The following KHDRBS2 variants were observed in gnomAD, a reference collection of about 807,000 sequenced individuals.
The protein encoded by KHDRBS2 is KH RNA binding domain containing, signal transduction associated 2, also known as KH domain-containing, RNA-binding, signal transduction-associated protein 2.
KHDRBS2 carries 26 observed loss-of-function variants against 44.3 expected under a neutral mutation model. The observed-to-expected ratio is 0.59, with a 90% CI of 0.43 to 0.81. The LOEUF (loss-of-function observed/expected upper bound fraction) is 0.81. Ranked by LOEUF, KHDRBS2 falls within the 40% of genes least tolerant of loss-of-function variation. The pLI is 0.00. For synonymous variants in KHDRBS2, 194 were observed against 151.1 expected (o/e 1.28, Z -2.08); for missense variants, 476 against 433.1 (o/e 1.10, Z -0.88).
At chr6:61,887,292 ATAT>A (rs1239952350) in intron 6 of KHDRBS2, among the ~76,000 whole-genome samples, 4 of 152,186 alleles carry the variant, frequency 2.6e-5, no homozygotes, top group Non-Finnish European at 5.9e-5. Flanking sequence ...CTCTTTTAAC[ATAT>A]TATCCACTGG....
chr6:61,736,243 C>CACACACACAT (rs1393747159), intron 6 of KHDRBS2, among the ~76,000 whole-genome samples: 1 of 151,160 alleles, frequency 6.6e-6, no homozygotes, highest in Non-Finnish European at 1.5e-5. Context: ...CACACACACA[C>CACACACACAT]ACACTAACAA....
chr6:62,076,397 G>T (rs1796342264), intron 2 of KHDRBS2, among the ~76,000 whole-genome samples: 1 of 152,038 alleles, frequency 6.6e-6, no homozygotes, highest in African/African-American at 2.4e-5. Context: ...GTGTGAAGAT[G>T]AAGAGATTGT....
At chr6:62,108,193 C>T (rs996499601) in intron 2 of KHDRBS2, among the ~76,000 whole-genome samples, 8 of 152,084 alleles carry the variant, frequency 5.3e-5, no homozygotes, top group Non-Finnish European at 1.0e-4. Flanking sequence ...GCAACCTACT[C>T]ATCTGACAAA....
intron 2 of KHDRBS2, among the ~76,000 whole-genome samples, chr6:62,063,577 C>G (rs1306049021): frequency 1.3e-5 from 2 of 151,656 alleles, no homozygotes; most frequent in African/African-American, 4.8e-5. Flanking sequence ...CAAAATTCAA[C>G]AACCCTTCAT....
At chr6:62,023,344 A>G (rs1414194001) in intron 3 of KHDRBS2, among the ~76,000 whole-genome samples, 1 of 151,704 alleles carries the variant, frequency 6.6e-6, no homozygotes, top group East Asian at 1.9e-4. Flanking sequence ...CACTTACAGT[A>G]GGTTCCATGG....
chr6:61,558,476 A>ATCCTCCTGG, the KHDRBS2 span, among the ~76,000 whole-genome samples: 1 of 152,052 alleles, frequency 6.6e-6, no homozygotes, highest in Non-Finnish European at 1.5e-5. Context: ...ATAGGAGGAT[A>ATCCTCCTGG]GCTTGAGCCC....
intron 1 of KHDRBS2, among the ~76,000 whole-genome samples, chr6:62,186,319 C>T (rs763578922): frequency 3.3e-5 from 5 of 152,044 alleles, no homozygotes; most frequent in Admixed American, 6.6e-5. Context: ...CGTAGAATAG[C>T]ATTTGGTACA....
At chr6:61,835,400 C>G (rs1378392600) in intron 6 of KHDRBS2, among the ~76,000 whole-genome samples, 3 of 151,834 alleles carry the variant, frequency 2.0e-5, no homozygotes, top group Non-Finnish European at 4.4e-5. Context: ...TTGTGTGATC[C>G]CTGGATACAG....
At chr6:61,770,934 G>A (rs1296306571) in intron 6 of KHDRBS2, among the ~76,000 whole-genome samples, 1 of 152,190 alleles carries the variant, frequency 6.6e-6, no homozygotes, top group Non-Finnish European at 1.5e-5. Flanking sequence ...GGCAGCCAGA[G>A]AGAAAGGTCA....
At chr6:61,701,113 C>T (rs1278503671) in intron 7 of KHDRBS2, among the ~76,000 whole-genome samples, 1 of 151,788 alleles carries the variant, frequency 6.6e-6, no homozygotes, top group African/African-American at 2.4e-5. Flanking sequence ...ATGCCATTGC[C>T]AGTGACAACT....
intron 6 of KHDRBS2, among the ~76,000 whole-genome samples, chr6:61,771,921 G>A (rs909090199): frequency 6.6e-6 from 1 of 152,056 alleles, no homozygotes; most frequent in African/African-American, 2.4e-5. Flanking sequence ...CTCCAAAATT[G>A]ACCACATAGT....
chr6:62,202,281 T>C (rs1481647526), intron 1 of KHDRBS2, among the ~76,000 whole-genome samples: 1 of 152,112 alleles, frequency 6.6e-6, no homozygotes, highest in Non-Finnish European at 1.5e-5. Context: ...CTGTGACTAA[T>C]ATTTGACCTT....
At position 62,252,437 on chromosome 6, in the gene KHDRBS2, T is replaced by C. The variant is rs144585256; in HGVS notation, c.91+33421A>G. 2.5e-3 allele frequency among the ~76,000 whole-genome samples: 385 copies of C among 152,098 alleles called. 3 individuals are homozygous for C. The highest frequency in any genetic ancestry group is 8.5e-3 in the African/African-American group (352 of 41,566). On this transcript the variant is annotated intron_variant, in intron 1 of 8. Coordinates refer to ENST00000281156, the MANE Select transcript of KHDRBS2 (RefSeq NM_152688.4). The stretch of plus-strand genomic sequence containing the variant: ...TAAGTATCATTTTCTATTATGTCTT[T>C]TAATTATTACCTTGAACAGCTATTC...
the KHDRBS2 span, among the ~76,000 whole-genome samples, chr6:61,584,589 C>T: frequency 1.3e-5 from 2 of 151,670 alleles, no homozygotes; most frequent in Non-Finnish European, 3.0e-5. Flanking sequence ...ATTTAATTTG[C>T]TATTTTTAAG....
At chr6:62,230,699 T>G (rs1230831451) in intron 1 of KHDRBS2, among the ~76,000 whole-genome samples, 1 of 152,180 alleles carries the variant, frequency 6.6e-6, no homozygotes, top group Non-Finnish European at 1.5e-5. Flanking sequence ...TAAAACCTTT[T>G]GAAAGTTAGG....
intron 8 of KHDRBS2, among the ~76,000 whole-genome samples, chr6:61,690,844 A>G (rs1348360386): frequency 6.6e-6 from 1 of 152,078 alleles, no homozygotes; most frequent in African/African-American, 2.4e-5. Flanking sequence ...AAGGGCTTCA[A>G]GTACAATTTG....
At chr6:61,926,367 G>T (rs1166081975) in intron 4 of KHDRBS2, among the ~76,000 whole-genome samples, 1 of 152,168 alleles carries the variant, frequency 6.6e-6, no homozygotes, top group East Asian at 1.9e-4. Context: ...AGTTTGAAAT[G>T]AAACCTCTGC....
intron 6 of KHDRBS2, among the ~76,000 whole-genome samples, chr6:61,816,006 G>C (rs1395348760): frequency 2.0e-5 from 3 of 152,086 alleles, no homozygotes; most frequent in Admixed American, 2.0e-4. Flanking sequence ...AATACCAAAA[G>C]TTCCTTAGTA....
intron 6 of KHDRBS2, among the ~76,000 whole-genome samples, chr6:61,813,033 A>G (rs1381957690): frequency 2.6e-5 from 4 of 152,146 alleles, no homozygotes; most frequent in African/African-American, 9.6e-5. Flanking sequence ...TTTTGCTTCT[A>G]CCATTATATG....
Sources: allele counts gnomAD v4.1 joint callset (sites outside exome capture counted in the v4.1 genomes callset), GRCh38; gene constraint gnomAD v4.1.1; transcripts MANE v1.5; gene names NCBI Gene and HGNC (gene_info 2026-07-23, HGNC 2026-07-21).